Variants in EYS observed in about 807,000 individuals in gnomAD.
EYS encodes protein eyes shut homolog.
A neutral mutation model predicts 282.1 loss-of-function variants in EYS; 250 were observed. The observed-to-expected ratio is 0.89, with a 90% CI of 0.80 to 0.98. The LOEUF is 0.98. Among genes scored for constraint, EYS ranks in the 50% least tolerant of loss-of-function variants. EYS has a pLI of 0.00. For synonymous variants in EYS, 1,355 were observed against 1,282.9 expected (o/e 1.06, Z -1.20); for missense variants, 4,016 against 3,709.0 (o/e 1.08, Z -2.15).
intron 38 of EYS, among the ~76,000 whole-genome samples, chr6:63,788,564 A>C (rs969107458): frequency 2.0e-5 from 3 of 152,184 alleles, no homozygotes; most frequent in African/African-American, 7.2e-5. Flanking sequence ...GAACCACCAG[A>C]GTCCTTTATC....
intron 12 of EYS, among the ~76,000 whole-genome samples, chr6:65,210,541 C>G (rs1291915667): frequency 6.6e-6 from 1 of 151,936 alleles, no homozygotes; most frequent in Non-Finnish European, 1.5e-5. Context: ...ACTATGCTCA[C>G]TGGAAAATAG....
intron 10 of EYS, among the ~76,000 whole-genome samples, chr6:65,343,551 C>T (rs1036894438): frequency 4.1e-4 from 62 of 151,176 alleles, no homozygotes; most frequent in African/African-American, 1.4e-3. Flanking sequence ...TTTATTCTTG[C>T]CATAGGCCTC....
chr6:64,319,728 TAGAC>T (rs386407338), intron 29 of EYS, among the ~76,000 whole-genome samples: 11 of 151,208 alleles, frequency 7.3e-5, no homozygotes, highest in African/African-American at 2.2e-4. Flanking sequence ...GATGGATGGA[TAGAC>T]AGATAGATAG....
chr6:63,960,286 G>A (rs1395985101), intron 35 of EYS, among the ~76,000 whole-genome samples: 1 of 152,148 alleles, frequency 6.6e-6, no homozygotes, highest in Non-Finnish European at 1.5e-5. Context: ...GGCTGAAAAA[G>A]CAAGAGAACT....
intron 22 of EYS, among the ~76,000 whole-genome samples, chr6:64,665,392 A>ATTTG (rs1769193229): frequency 6.6e-6 from 1 of 152,184 alleles, no homozygotes; most frequent in African/African-American, 2.4e-5. Flanking sequence ...TATAGGCTAA[A>ATTTG]TCAAATTTAG....
rs1195675727 is a variant in EYS, at chr6:64,973,741, A to G, written c.2259+23841T>C. Among the ~76,000 whole-genome samples the G allele has an allele frequency of 2.0e-5, 3 of 151,982 alleles. No individual in the cohort carries two copies. The East Asian group carries it at 5.8e-4, about 29-fold the overall frequency. On this transcript the variant is annotated intron_variant, in intron 14 of 42. Coordinates refer to ENST00000503581, the MANE Select transcript of EYS (RefSeq NM_001142800.2). ...GACTCAAAGTGTAAACTGCAGTATA[A>G]TTGTGGAAACCAAATAATGGAAAAT...
intron 19 of EYS, among the ~76,000 whole-genome samples, chr6:64,867,540 C>A (rs1766461153): frequency 6.6e-6 from 1 of 151,684 alleles, no homozygotes; most frequent in African/African-American, 2.4e-5. Context: ...TCCTCAAAAA[C>A]CATTATCAAT....
rs143024354 is a variant in EYS at position 63,748,051 on chromosome 6, C to T, written c.8071+14410G>A. On this transcript the variant is annotated intron_variant, in intron 41 of 42. Coordinates refer to ENST00000503581, the MANE Select transcript of EYS (RefSeq NM_001142800.2). ...GCAGTTTCTTCATAGTGTCACTGAT[C>T]TTAATAATTTGGTATGTTTTTGCAG... 2.4e-3 allele frequency among the ~76,000 whole-genome samples: 358 copies of T among 152,256 alleles called. 4 individuals are homozygous for T. The highest frequency in any genetic ancestry group is 0.02 in the Admixed American group (306 of 15,294).
intron 41 of EYS, among the ~76,000 whole-genome samples, chr6:63,760,644 ATGTATATCTATCTATC>A (rs1054613847): frequency 7.5e-5 from 10 of 133,596 alleles, no homozygotes; most frequent in African/African-American, 2.8e-4. Flanking sequence ...GTATGTATGT[ATGTATATCTATCTATC>A]TATCTATCTA....
At chr6:64,965,013 C>T (rs1045849561) in intron 14 of EYS, among the ~76,000 whole-genome samples, 1 of 151,986 alleles carries the variant, frequency 6.6e-6, no homozygotes, top group African/African-American at 2.4e-5. Context: ...TGCTGGATGA[C>T]AGAGTGAGAC....
intron 36 of EYS, among the ~76,000 whole-genome samples, chr6:63,848,413 C>T (rs904466759): frequency 2.6e-5 from 4 of 151,916 alleles, no homozygotes; most frequent in African/African-American, 9.7e-5. Flanking sequence ...ATAGGAACAG[C>T]TCTGGTCTGC....
At chr6:63,880,620 T>C (rs1458940960) in intron 35 of EYS, among the ~76,000 whole-genome samples, 1 of 152,188 alleles carries the variant, frequency 6.6e-6, no homozygotes, top group Non-Finnish European at 1.5e-5. Flanking sequence ...ATCAGATAAC[T>C]GAAAACAGTT....
intron 14 of EYS, among the ~76,000 whole-genome samples, chr6:64,951,863 G>A (rs1286879738): frequency 6.6e-6 from 1 of 151,820 alleles, no homozygotes; most frequent in Admixed American, 6.6e-5. Flanking sequence ...TGTTTAATTG[G>A]AATATCAAAA....
Position 64,467,764 on chromosome 6 carries a change from T to A in EYS, c.5645-28412A>T, listed in dbSNP as rs185516266. Among the ~76,000 whole-genome samples the A allele has an allele frequency of 1.9e-4, 29 of 152,172 alleles. No individual in the cohort carries two copies. In the East Asian group the frequency reaches 5.0e-3, roughly 26 times the overall value. ...TATATGGAAGTATCATCCAGAGGAA[T>A]AAGGGAGTGCCCACCCCACCCACAG... On this transcript the variant is annotated intron_variant, in intron 26 of 42. Coordinates refer to ENST00000503581, the MANE Select transcript of EYS (RefSeq NM_001142800.2).
chr6:65,532,288 G>A (rs916562134), intron 2 of EYS, among the ~76,000 whole-genome samples: 10 of 152,002 alleles, frequency 6.6e-5, no homozygotes, highest in African/African-American at 1.7e-4. Context: ...ACTCTGGTAC[G>A]TATTTTAAAG....
chr6:64,727,573 C>A (rs186501919), intron 22 of EYS, among the ~76,000 whole-genome samples: 1 of 151,808 alleles, frequency 6.6e-6, no homozygotes, highest in East Asian at 1.9e-4. Context: ...AATTATTTTC[C>A]GGAAAAACAA....
intron 14 of EYS, among the ~76,000 whole-genome samples, chr6:64,960,398 CT>C (rs1266867502): frequency 6.6e-6 from 1 of 151,882 alleles, no homozygotes; most frequent in Admixed American, 6.6e-5. Context: ...TTCCTTTTAC[CT>C]TTTTAAATTG....
intron 2 of EYS, among the ~76,000 whole-genome samples, chr6:65,571,569 A>G (rs1414082116): frequency 6.6e-6 from 1 of 151,984 alleles, no homozygotes; most frequent in Non-Finnish European, 1.5e-5. Flanking sequence ...AAAAGTGTAT[A>G]TTTTATTTTG....
At chr6:65,322,021 T>C (rs1015736606) in intron 11 of EYS, among the ~76,000 whole-genome samples, 2 of 152,182 alleles carry the variant, frequency 1.3e-5, no homozygotes, top group African/African-American at 4.8e-5. Flanking sequence ...TACCAAGATA[T>C]GATAGCTGAA....
Sources: gnomAD v4.1 joint callset for allele counts (sites outside exome capture counted in the v4.1 genomes callset) on GRCh38, gnomAD v4.1.1 for gene constraint, MANE v1.5 for transcripts, NCBI Gene and HGNC (gene_info 2026-07-23, HGNC 2026-07-21) for gene names.